Variants in PLEKHM3 observed in about 807,000 individuals in gnomAD.
PLEKHM3 encodes the protein pleckstrin homology domain containing M3.
PLEKHM3 carries 45 observed loss-of-function variants against 81.8 expected under a neutral mutation model. The ratio of observed to expected loss-of-function variants is 0.55; its 90% CI spans 0.43 to 0.71. The LOEUF (loss-of-function observed/expected upper bound fraction) is 0.71. PLEKHM3 is among the 30% of genes least tolerant of loss of function. The pLI is 0.00. For synonymous variants in PLEKHM3, 352 were observed against 356.4 expected, an observed-to-expected ratio of 0.99 and a Z score of 0.14; for missense variants, 788 against 924.3, an observed-to-expected ratio of 0.85 and a Z score of 1.91.
At chr2:207,929,763 T>G (rs968307930) in intron 5 of PLEKHM3, 4 of 513,236 alleles carry the variant, frequency 7.8e-6, no homozygotes, top group Non-Finnish European at 1.4e-5. Flanking sequence ...TGTCTAGATA[T>G]TATATATCCT....
intron 2 of PLEKHM3, among the ~76,000 whole-genome samples, chr2:207,985,680 C>G (rs1691690840): frequency 6.6e-6 from 1 of 151,992 alleles, no homozygotes; most frequent in South Asian, 2.1e-4. Flanking sequence ...AAAATTTTGC[C>G]TTTTTAAAAA....
At chr2:207,878,100 G>T (rs762815047) in intron 6 of PLEKHM3, among the ~76,000 whole-genome samples, 3 of 152,032 alleles carry the variant, frequency 2.0e-5, no homozygotes, top group African/African-American at 7.2e-5. Context: ...CACCATGCTC[G>T]ACTAATTTTA....
chr2:207,931,045 G>A lies in PLEKHM3; in HGVS notation c.1767C>T (p.Ala589=), dbSNP rs1455510732. Residue 589 remains alanine, a synonymous_variant, in exon 5 of 8, where the codon GCC becomes GCT. Transcript: ENST00000427836. The part of the protein sequence containing the change: ...EPLIDIQQEN[A]MLYHHAEPLA... ...GCGGCTCTGCGTGGTGGTACAGCATGGCGTTCTCCTGCTGGATGTCGATGA... is the reference window on the plus strand; with the variant it reads ...GCGGCTCTGCGTGGTGGTACAGCATAGCGTTCTCCTGCTGGATGTCGATGA... 1 of 1,614,060 alleles carries A rather than the reference G, an allele frequency of 6.2e-7. No homozygotes were observed. Among genetic ancestry groups the A allele is most frequent in the Non-Finnish European group, 8.5e-7 (1 of 1,179,948 alleles).
chr2:207,839,152 T>C (rs1296516885), intron 7 of PLEKHM3, among the ~76,000 whole-genome samples: 2 of 152,174 alleles, frequency 1.3e-5, no homozygotes, highest in African/African-American at 4.8e-5. Context: ...CACCTAAGAC[T>C]CTGAATGGGA....
intron 7 of PLEKHM3, among the ~76,000 whole-genome samples, chr2:207,830,651 C>T (rs1248068478): frequency 9.2e-6 from 1 of 108,266 alleles, no homozygotes; most frequent in Admixed American, 9.3e-5. Flanking sequence ...GGGTGAGACC[C>T]TGATCCAAGC....
intron 6 of PLEKHM3, among the ~76,000 whole-genome samples, chr2:207,894,595 C>T (rs930454458): frequency 5.9e-5 from 9 of 151,996 alleles, no homozygotes; most frequent in African/African-American, 4.8e-5. Flanking sequence ...TGTTTTGCTG[C>T]CAGGTGGATT....
chr2:207,980,437 T>C (rs1224838212), intron 2 of PLEKHM3, among the ~76,000 whole-genome samples: 6 of 152,044 alleles, frequency 3.9e-5, no homozygotes, highest in Non-Finnish European at 7.4e-5. Flanking sequence ...GTACCAACAT[T>C]TTTTCCCCAC....
chr2:207,932,161 A>G (rs1048645289), intron 4 of PLEKHM3, among the ~76,000 whole-genome samples: 1 of 152,234 alleles, frequency 6.6e-6, no homozygotes, highest in African/African-American at 2.4e-5. Flanking sequence ...CAATATATCC[A>G]TCCAATTCTG....
At chr2:207,866,602 A>G (rs2092502337) in intron 6 of PLEKHM3, among the ~76,000 whole-genome samples, 2 of 152,220 alleles carry the variant, frequency 1.3e-5, no homozygotes, top group African/African-American at 4.8e-5. Flanking sequence ...TGGATTCCAT[A>G]TTAGCCATCC....
At position 207,923,676 on chromosome 2, in the gene PLEKHM3, G is replaced by T. The variant is rs1689263513; in HGVS notation, c.1886+7250C>A. Among the ~76,000 whole-genome samples the T allele has an allele frequency of 2.0e-5, 3 of 151,394 alleles. No homozygotes were observed. In the South Asian group the frequency reaches 6.3e-4, roughly 32 times the overall value. ...AGGTGATGAGAGTAGAGACAAGGGG[G>T]ATGGCAATGGGAATGAAAAATAAGG... On this transcript the variant is annotated intron_variant, in intron 5 of 7. Coordinates refer to ENST00000427836, the MANE Select transcript of PLEKHM3 (RefSeq NM_001080475.3).
chr2:207,897,109 G>C (rs1017596998), intron 6 of PLEKHM3, among the ~76,000 whole-genome samples: 1 of 152,122 alleles, frequency 6.6e-6, no homozygotes, highest in Non-Finnish European at 1.5e-5. Context: ...GGGGAGGTCT[G>C]GTCTAGGATC....
chr2:207,871,083 C>G (rs573789920), intron 6 of PLEKHM3, among the ~76,000 whole-genome samples: 1 of 152,176 alleles, frequency 6.6e-6, no homozygotes, highest in Non-Finnish European at 1.5e-5. Context: ...CCACTGTGCT[C>G]TAGCCTGGGT....
chr2:207,826,789 T>C lies in PLEKHM3; in HGVS notation c.*1530A>G, dbSNP rs908773390. 15 of 152,212 alleles carry C rather than the reference T, an allele frequency of 9.9e-5. No individual in the cohort carries two copies. The highest frequency in any genetic ancestry group is 3.6e-4 in the African/African-American group (15 of 41,458). The allele number at this position is 152,212 out of a possible 1,614,324, so 9.4% of individuals were successfully genotyped here. ...GCAAAACTACTAAACCATGAAGACA[T>C]AGAAGGCATCTGCTCAGCGCGAAAG... On this transcript the variant is annotated 3_prime_UTR_variant, in exon 8 of 8. Transcript: ENST00000427836.
At chr2:207,899,702 G>A (rs970170726) in intron 6 of PLEKHM3, among the ~76,000 whole-genome samples, 4 of 152,138 alleles carry the variant, frequency 2.6e-5, no homozygotes, top group Non-Finnish European at 4.4e-5. Flanking sequence ...CTCATTCTAC[G>A]AATGTTTTGT....
intron 4 of PLEKHM3, 105 bp downstream of exon 4, chr2:207,946,262 A>G: frequency 3.8e-6 from 5 of 1,332,368 alleles, no homozygotes; most frequent in Non-Finnish European, 5.2e-6. Context: ...GAGACTACCT[A>G]ATCATATCTG....
intron 1 of PLEKHM3, among the ~76,000 whole-genome samples, chr2:208,007,984 C>G: frequency 6.6e-6 from 1 of 152,002 alleles, no homozygotes; most frequent in East Asian, 1.9e-4. Context: ...ACCCGGGAGG[C>G]GGAGCTTGCA....
intron 6 of PLEKHM3, 98 bp from the exon 7 acceptor site, chr2:207,861,360 G>T: frequency 7.9e-7 from 1 of 1,259,898 alleles, no homozygotes; most frequent in Non-Finnish European, 1.1e-6. Flanking sequence ...TACACAACAG[G>T]AAAACCTCTA....
chr2:207,942,859 C>T (rs1689990795), intron 4 of PLEKHM3, among the ~76,000 whole-genome samples: 1 of 152,112 alleles, frequency 6.6e-6, no homozygotes, highest in Non-Finnish European at 1.5e-5. Context: ...GAGATTGCAC[C>T]ACTGAACTCC....
chr2:207,861,054 A>G lies in PLEKHM3; in HGVS notation c.2108+51T>C, dbSNP rs761411402. 1.8e-5 allele frequency: 28 copies of G among 1,586,440 alleles called. No individual in the cohort carries two copies. The South Asian group carries it at 3.2e-4, about 18-fold the overall frequency. ...AGTTGGCCTGATTTGGCCAAAGAAA[A>G]TGGCATATTACACATTTGGGTGTTC... On this transcript the variant is annotated intron_variant, in intron 7 of 7. Transcript: ENST00000427836.
Sources: allele counts gnomAD v4.1 joint callset (sites outside exome capture counted in the v4.1 genomes callset), GRCh38; gene constraint gnomAD v4.1.1; transcripts MANE v1.5; gene names NCBI Gene and HGNC (gene_info 2026-07-23, HGNC 2026-07-21).